The following MYLK variants were observed in gnomAD, a reference collection of about 807,000 sequenced individuals.
The protein encoded by MYLK is myosin light chain kinase, smooth muscle.
In MYLK, 106 loss-of-function variants were observed where a neutral mutation model predicts 203.4. The observed-to-expected ratio is 0.52, with a 90% CI of 0.45 to 0.61. The LOEUF (loss-of-function observed/expected upper bound fraction) is 0.61. MYLK is among the 20% of genes least tolerant of loss of function. The pLI is 0.00. For synonymous variants in MYLK, 867 were observed against 959.5 expected (o/e 0.90, Z 1.78); for missense variants, 2,072 against 2,442.3 (o/e 0.85, Z 3.20).
chr3:123,637,962 C>T, intron 29 of MYLK, 109 bp downstream of exon 29: 1 of 1,526,516 alleles, frequency 6.6e-7, no homozygotes, highest in Non-Finnish European at 9.0e-7. Flanking sequence ...GGGGGGCTCC[C>T]CATCATGACA....
intron 12 of MYLK, 30 bp downstream of exon 12, chr3:123,725,914 G>A (rs760142565): frequency 2.4e-5 from 38 of 1,610,496 alleles, no homozygotes; most frequent in Non-Finnish European, 3.1e-5. Flanking sequence ...CAGGGGATGG[G>A]AGCAGAGAGC....
At chr3:123,775,306 T>G (rs940278306) in intron 4 of MYLK, among the ~76,000 whole-genome samples, 1 of 152,246 alleles carries the variant, frequency 6.6e-6, no homozygotes, top group Non-Finnish European at 1.5e-5. Context: ...GTGCTGGGAT[T>G]ATAGGCATGG....
intron 20 of MYLK, among the ~76,000 whole-genome samples, chr3:123,679,134 C>T (rs1279451787): frequency 1.3e-5 from 2 of 151,974 alleles, no homozygotes; most frequent in Non-Finnish European, 2.9e-5. Flanking sequence ...TGGCGAAACC[C>T]CATCTCTACT....
At chr3:123,764,749 G>A (rs374107146) in intron 4 of MYLK, among the ~76,000 whole-genome samples, 6 of 152,150 alleles carry the variant, frequency 3.9e-5, no homozygotes, top group South Asian at 2.1e-4. Context: ...GCGGGGAACC[G>A]GGGCCTCACT....
intron 32 of MYLK, among the ~76,000 whole-genome samples, chr3:123,619,984 TAAC>T (rs1160329152): frequency 4.0e-5 from 6 of 151,810 alleles, no homozygotes; most frequent in Non-Finnish European, 8.8e-5. Context: ...ATTAGACAAA[TAAC>T]AACTTTCCCT....
At chr3:123,684,688 A>G (rs1335426480) in intron 19 of MYLK, among the ~76,000 whole-genome samples, 2 of 152,052 alleles carry the variant, frequency 1.3e-5, no homozygotes, top group East Asian at 3.9e-4. Context: ...CCTCCTGAGT[A>G]CACGCCTGAC....
chr3:123,789,814 T>C (rs1022375219), intron 4 of MYLK, among the ~76,000 whole-genome samples: 2 of 152,134 alleles, frequency 1.3e-5, no homozygotes, highest in East Asian at 1.9e-4. Flanking sequence ...TCAAGCCTAA[T>C]GGCCACAGCC....
At chr3:123,620,533 GT>G in intron 31 of MYLK, 197 bp from the exon 32 acceptor site, 3 of 1,433,794 alleles carry the variant, frequency 2.1e-6, no homozygotes, top group Non-Finnish European at 2.7e-6. Flanking sequence ...GTCAGAAGAT[GT>G]TCAGAGAATG....
At chr3:123,776,663 CT>C (rs2064089994) in intron 4 of MYLK, among the ~76,000 whole-genome samples, 1 of 152,198 alleles carries the variant, frequency 6.6e-6, no homozygotes, top group African/African-American at 2.4e-5. Context: ...ATACAAAACA[CT>C]ATGAATAATT....
At chr3:123,641,738 C>T (rs2058840291) in intron 27 of MYLK, among the ~76,000 whole-genome samples, 1 of 147,578 alleles carries the variant, frequency 6.8e-6, no homozygotes, top group Non-Finnish European at 1.5e-5. Context: ...TCCTGCCTGC[C>T]TTCCTCCCTC....
chr3:123,780,560 G>T (rs1221557993), intron 4 of MYLK, among the ~76,000 whole-genome samples: 1 of 152,198 alleles, frequency 6.6e-6, no homozygotes. Flanking sequence ...ACAGCCCAGA[G>T]GGCAGACTGA....
At chr3:123,804,935 C>T (rs907858502) in intron 3 of MYLK, among the ~76,000 whole-genome samples, 8 of 152,050 alleles carry the variant, frequency 5.3e-5, no homozygotes, top group Non-Finnish European at 7.4e-5. Flanking sequence ...ACAGGTCTTC[C>T]GCTTGGAAGA....
At chr3:123,857,703 C>T (rs913864334) in intron 2 of MYLK, among the ~76,000 whole-genome samples, 34 of 150,758 alleles carry the variant, frequency 2.3e-4, no homozygotes, top group Admixed American at 5.9e-4. Context: ...TGCTAGATGA[C>T]GAGTTAGTGG....
chr3:123,814,802 T>A lies in MYLK; in HGVS notation c.-4+16746A>T, dbSNP rs186581240. On this transcript the variant is annotated intron_variant, in intron 3 of 33. Transcript: ENST00000360304. Reference sequence around the variant, plus strand: ...ACTGATCCTTTCTTTCTTTCTTTCTTTCTTTTTTTAGATGGAGTCTCATTC... The same window carrying A: ...ACTGATCCTTTCTTTCTTTCTTTCTATCTTTTTTTAGATGGAGTCTCATTC... Among the ~76,000 whole-genome samples the A allele has an allele frequency of 2.0e-4, 30 of 152,254 alleles. No individual in the cohort carries two copies. The East Asian group carries it at 5.4e-3, about 27-fold the overall frequency.
At chr3:123,765,439 G>A (rs970157477) in intron 4 of MYLK, among the ~76,000 whole-genome samples, 7 of 151,760 alleles carry the variant, frequency 4.6e-5, no homozygotes, top group African/African-American at 1.2e-4. Flanking sequence ...GCAGAGGCAG[G>A]AGAATTGTTT....
intron 24 of MYLK, among the ~76,000 whole-genome samples, chr3:123,656,884 C>T (rs539353926): frequency 6.6e-6 from 1 of 152,188 alleles, no homozygotes; most frequent in Non-Finnish European, 1.5e-5. Context: ...CATACCATCA[C>T]CCCCTGGTGG....
intron 3 of MYLK, among the ~76,000 whole-genome samples, chr3:123,798,975 C>G (rs750836851): frequency 2.1e-4 from 32 of 152,152 alleles, no homozygotes; most frequent in Non-Finnish European, 4.4e-5. Context: ...TCAAGAAAAC[C>G]AGAGAGGTTG....
At chr3:123,723,843 A>G (rs1413586477) in intron 12 of MYLK, among the ~76,000 whole-genome samples, 1 of 152,280 alleles carries the variant, frequency 6.6e-6, no homozygotes, top group East Asian at 1.9e-4. Flanking sequence ...GCTCCTGGGC[A>G]GAATGCTAAT....
In MYLK at chr3:123,700,235, T is replaced by C; in HGVS notation, c.3233A>G (p.Lys1078Arg). 1 of 1,613,850 alleles carries C rather than the reference T, an allele frequency of 6.2e-7. No homozygotes were observed. The highest frequency in any genetic ancestry group is 8.5e-7 in the Non-Finnish European group (1 of 1,180,012). The change falls in exon 18 of 34, where the codon AAG becomes AGG. Residue 1078 changes from lysine (K) to arginine (R), a missense_variant. By Grantham distance (26) the Lys-to-Arg change is conservative. This residue lies in a region of MYLK where 865 missense variants were observed against 1,016.0 expected (regional missense o/e 0.85). Coordinates refer to ENST00000360304, the MANE Select transcript of MYLK (RefSeq NM_053025.4). The stretch of plus-strand genomic sequence containing the variant: ...ATCTGTGGTCCCTGCATGGCCTCTC[T>C]TGCAGTTCACATCATTCTTAACGTC... ...KKDVKNDVNC[K>R]RGHAGTTDNE... is the part of the protein sequence containing the mutation.
Sources: gnomAD v4.1 joint callset for allele counts (sites outside exome capture counted in the v4.1 genomes callset) on GRCh38, gnomAD v4.1.1 for gene constraint, gnomAD v4.1.1 regional missense constraint, MANE v1.5 for transcripts, NCBI Gene and HGNC (gene_info 2026-07-23, HGNC 2026-07-21) for gene names.